ANTXR1: variants seen among roughly 807,000 people sequenced by gnomAD.
The protein encoded by ANTXR1 is ANTXR cell adhesion molecule 1.
Under a neutral mutation model 78.1 loss-of-function variants are expected in ANTXR1, and 19 were observed. That is an observed-to-expected ratio of 0.24 (90% CI 0.17 to 0.36). The LOEUF is 0.36. Ranked by LOEUF, ANTXR1 falls within the 10% of genes least tolerant of loss-of-function variation. The pLI, the probability that ANTXR1 is intolerant of heterozygous loss-of-function variation, is 1.00. For synonymous variants in ANTXR1, 273 were observed against 260.5 expected (o/e 1.05, Z -0.46); for missense variants, 518 against 718.6 (o/e 0.72, Z 3.19).
intron 10 of ANTXR1, among the ~76,000 whole-genome samples, chr2:69,120,184 G>A (rs1297555141): frequency 6.6e-6 from 1 of 152,200 alleles, no homozygotes; most frequent in Non-Finnish European, 1.5e-5. Flanking sequence ...ATAATAAAAT[G>A]TCGAATAGCT....
At chr2:69,123,133 A>G (rs2104376391) in intron 11 of ANTXR1, 47 bp downstream of exon 11, 1 of 1,588,132 alleles carries the variant, frequency 6.3e-7, no homozygotes, top group East Asian at 2.2e-5. Context: ...GAAGAGAGAG[A>G]GGAGGTGTAC....
At chr2:69,242,750 C>T (rs1047840921) in intron 17 of ANTXR1, among the ~76,000 whole-genome samples, 2 of 152,172 alleles carry the variant, frequency 1.3e-5, no homozygotes, top group African/African-American at 4.8e-5. Flanking sequence ...TCTAAATTGT[C>T]GTCATGGGAA....
Position 69,208,970 on chromosome 2 carries a change from A to G in ANTXR1, c.1434+15555A>G, listed in dbSNP as rs190100380. 9.7e-4 allele frequency among the ~76,000 whole-genome samples: 148 copies of G among 152,278 alleles called. 1 individual carries two copies. Among genetic ancestry groups the G allele is most frequent in the African/African-American group, 3.5e-3 (144 of 41,550 alleles). On this transcript the variant is annotated intron_variant, in intron 17 of 17. Coordinates refer to ENST00000303714, the MANE Select transcript of ANTXR1 (RefSeq NM_032208.3). Reference sequence around the variant, plus strand: ...CAGGCTGGAGTGCAGTGTCACTATCACAGCTCACTGCAGCCCCGACCTCTC... The same window carrying G: ...CAGGCTGGAGTGCAGTGTCACTATCGCAGCTCACTGCAGCCCCGACCTCTC...
intron 17 of ANTXR1, among the ~76,000 whole-genome samples, chr2:69,218,358 A>G (rs938792718): frequency 6.6e-6 from 1 of 152,044 alleles, no homozygotes; most frequent in African/African-American, 2.4e-5. Flanking sequence ...CAGTTCTGGA[A>G]AAAAAGGGGG....
intron 13 of ANTXR1, among the ~76,000 whole-genome samples, chr2:69,165,337 G>A (rs571012230): frequency 2.0e-5 from 3 of 152,338 alleles, no homozygotes; most frequent in South Asian, 2.1e-4. Flanking sequence ...CTTGCAGGAA[G>A]TGCCCTGCAT....
chr2:69,151,614 C>G (rs1343242623), intron 12 of ANTXR1, among the ~76,000 whole-genome samples: 3 of 152,206 alleles, frequency 2.0e-5, no homozygotes, highest in African/African-American at 4.8e-5. Flanking sequence ...CCCCTCGCCT[C>G]CCAGGTTCAG....
chr2:69,135,970 A>G (rs1351935626), intron 12 of ANTXR1, among the ~76,000 whole-genome samples: 1 of 152,192 alleles, frequency 6.6e-6, no homozygotes, highest in Non-Finnish European at 1.5e-5. Flanking sequence ...TATAAGACTA[A>G]TGACAAAAAT....
chr2:69,140,267 T>G (rs1673033535), intron 12 of ANTXR1, among the ~76,000 whole-genome samples: 1 of 152,202 alleles, frequency 6.6e-6, no homozygotes, highest in South Asian at 2.1e-4. Context: ...TCTCAGTCCT[T>G]CTGGTATTAT....
intron 1 of ANTXR1, among the ~76,000 whole-genome samples, chr2:69,021,296 A>T (rs560730800): frequency 1.3e-5 from 2 of 152,376 alleles, no homozygotes; most frequent in East Asian, 3.9e-4. Context: ...CCTCTGACTC[A>T]TAATCTATGC....
chr2:69,140,390 C>T (rs778034372), intron 12 of ANTXR1, among the ~76,000 whole-genome samples: 8 of 152,224 alleles, frequency 5.3e-5, no homozygotes, highest in South Asian at 4.1e-4. Context: ...TCTCCAACAA[C>T]GCTGTCACTA....
intron 11 of ANTXR1, 32 bp downstream of exon 11, chr2:69,123,118 C>G (rs376437874): frequency 1.9e-6 from 3 of 1,607,704 alleles, no homozygotes; most frequent in Non-Finnish European, 2.6e-6. Context: ...AACCTCCCAG[C>G]CAGGGAAGAG....
At position 69,181,918 on chromosome 2, in the gene ANTXR1, T is replaced by C. The variant is rs549007775; in HGVS notation, c.1185+37T>C. On this transcript the variant is annotated intron_variant, in intron 15 of 17. Coordinates refer to ENST00000303714, the MANE Select transcript of ANTXR1 (RefSeq NM_032208.3). ...GCTTCATATACACTTATCTATGTGCTGACTACTCCCATCGAGGTACCAGCC... is the reference window on the plus strand; with the variant it reads ...GCTTCATATACACTTATCTATGTGCCGACTACTCCCATCGAGGTACCAGCC... 2.5e-6 allele frequency: 4 copies of C among 1,603,734 alleles called. No individual in the cohort carries two copies. The African/African-American group carries it at 4.0e-5, about 16-fold the overall frequency.
intron 17 of ANTXR1, among the ~76,000 whole-genome samples, chr2:69,219,426 A>G (rs1222091768): frequency 1.6e-5 from 1 of 60,652 alleles, no homozygotes. Context: ...CACACACCCT[A>G]CTGATGAAAA....
At chr2:69,182,980 TAA>T (rs34296585) in intron 16 of ANTXR1, 696 of 208,048 alleles carry the variant, frequency 3.3e-3, no homozygotes, top group South Asian at 4.8e-3. Flanking sequence ...TGTTCCATAT[TAA>T]AAAAAAAAAA....
chr2:69,224,964 A>T (rs1381457041), intron 17 of ANTXR1, among the ~76,000 whole-genome samples: 1 of 150,644 alleles, frequency 6.6e-6, no homozygotes, highest in Admixed American at 6.7e-5. Flanking sequence ...AGACATCTAG[A>T]GTGTCACCCT....
intron 17 of ANTXR1, among the ~76,000 whole-genome samples, chr2:69,217,076 C>CA (rs887823727): frequency 9.2e-5 from 14 of 151,970 alleles, no homozygotes; most frequent in South Asian, 4.2e-4. Flanking sequence ...GTGAGACTTG[C>CA]AAAAAAAATG....
At position 69,013,750 on chromosome 2, in the gene ANTXR1, C is replaced by T. The variant is rs937737966; in HGVS notation, c.152+99C>T. ...TGGCAGGGTCGCCTGGGGACAGGAG[C>T]GCATCTCCAGGGCCACAGAGGGACC... On this transcript the variant is annotated intron_variant, in intron 1 of 17. Coordinates refer to ENST00000303714, the MANE Select transcript of ANTXR1 (RefSeq NM_032208.3). This position sits in a 1 kb window ranked among gnomAD's most constrained non-coding sequence, Gnocchi z 5.0. The T allele has an allele frequency of 2.6e-6, 4 of 1,538,938 alleles. No individual in the cohort carries two copies. The highest frequency in any genetic ancestry group is 1.4e-5 in the African/African-American group (1 of 72,770).
At chr2:69,123,193 G>A in intron 11 of ANTXR1, 107 bp downstream of exon 11, 1 of 1,195,456 alleles carries the variant, frequency 8.4e-7, no homozygotes, top group Non-Finnish European at 1.2e-6. Flanking sequence ...CTTTCTCTAG[G>A]TTCCTCCAGC....
At position 69,075,663 on chromosome 2, in the gene ANTXR1, G is replaced by T. The variant is rs986450520; in HGVS notation, c.561+5G>T. The T allele has an allele frequency of 1.9e-6, 3 of 1,613,650 alleles. No individual in the cohort carries two copies. The highest frequency in any genetic ancestry group is 2.5e-6 in the Non-Finnish European group (3 of 1,179,680). On this transcript the variant is annotated splice_donor_5th_base_variant and intron_variant, in intron 7 of 17. Transcript: ENST00000303714. ...AAAGATTTCAATGAGACACAGGTAT[G>T]GTAATGGATTTCCTCAGGTTTGGAG...
Sources: gnomAD v4.1 joint callset for allele counts (sites outside exome capture counted in the v4.1 genomes callset) on GRCh38, gnomAD v4.1.1 for gene constraint, Gnocchi (gnomAD v3.1) non-coding constraint, MANE v1.5 for transcripts, NCBI Gene and HGNC (gene_info 2026-07-23, HGNC 2026-07-21) for gene names.